The following DERA variants were observed in gnomAD, a reference collection of about 807,000 sequenced individuals.
The protein encoded by DERA is 2-deoxy-D-ribose 5-phosphate aldolase.
A neutral mutation model predicts 41.1 loss-of-function variants in DERA; 15 were observed. That is an observed-to-expected ratio of 0.37 (90% CI 0.24 to 0.56). The LOEUF (loss-of-function observed/expected upper bound fraction) is 0.56, where lower values mean the gene tolerates loss of function less well. DERA is among the 20% of genes least tolerant of loss of function. The pLI, the probability that DERA is intolerant of heterozygous loss-of-function variation, is 0.81. For missense variants in DERA, 396 were observed against 403.4 expected (o/e 0.98, Z 0.16); for synonymous variants, 139 against 137.4 (o/e 1.01, Z -0.08).
chr12:15,929,247 G>T (rs1020568541), intron 1 of DERA, among the ~76,000 whole-genome samples: 9 of 152,198 alleles, frequency 5.9e-5, no homozygotes, highest in Non-Finnish European at 8.8e-5. Context: ...TTGATGACTT[G>T]TCAGAGCATT....
chr12:16,032,636 C>G lies in DERA; in HGVS notation c.732C>G (p.Phe244Leu). The change falls in exon 7 of 9, where the codon TTC becomes TTG. Residue 244 changes from phenylalanine to leucine, a missense_variant. Phe to Leu is a conservative substitution (Grantham distance 22). Coordinates refer to ENST00000428559, the MANE Select transcript of DERA (RefSeq NM_015954.4). ...IVMLRAIRDF[F>L]WKTGNKIGFK... ...TGCTGCGGGCCATTAGAGATTTCTT[C>G]TGGAAAACTGGAAACAAGGTATATT... 6.4e-7 allele frequency: 1 copy of G among 1,554,332 alleles called. No individual in the cohort carries two copies. The highest frequency in any genetic ancestry group is 8.7e-7 in the Non-Finnish European group (1 of 1,145,796).
chr12:15,926,809 C>G (rs988554675), intron 1 of DERA, among the ~76,000 whole-genome samples: 1 of 150,740 alleles, frequency 6.6e-6, no homozygotes, highest in Non-Finnish European at 1.5e-5. Context: ...ACTAACAGGA[C>G]GATGGTTCTG....
At chr12:16,031,213 T>G (rs531658440) in intron 6 of DERA, among the ~76,000 whole-genome samples, 46 of 152,350 alleles carry the variant, frequency 3.0e-4, no homozygotes, top group African/African-American at 1.0e-3. Context: ...ATTTGGTGAT[T>G]ATGCGGGGTT....
chr12:15,947,268 C>T (rs1948457340), intron 1 of DERA, among the ~76,000 whole-genome samples: 2 of 152,120 alleles, frequency 1.3e-5, no homozygotes, highest in Admixed American at 1.3e-4. Flanking sequence ...TCCTTGTTAA[C>T]TTTCTGTCTC....
chr12:15,963,506 C>T (rs556425250), intron 5 of DERA, among the ~76,000 whole-genome samples: 1 of 152,072 alleles, frequency 6.6e-6, no homozygotes, highest in African/African-American at 2.4e-5. Context: ...AAGACATTGC[C>T]CTTTCCAGCA....
Position 15,938,650 on chromosome 12 carries a change from A to G in DERA, c.32-18286A>G, listed in dbSNP as rs1310739454. On this transcript the variant is annotated intron_variant, in intron 1 of 8. Coordinates refer to ENST00000428559, the MANE Select transcript of DERA (RefSeq NM_015954.4). This position sits in a 1 kb window ranked among gnomAD's most constrained non-coding sequence, Gnocchi z 4.1. ...TTGAGATACTTGGTAAATTTAGCAC[A>G]TTCTATAAATGGAGGATATTTTCAA... Among the ~76,000 whole-genome samples, 2 of 152,232 alleles carry G rather than the reference A, an allele frequency of 1.3e-5. No individual in the cohort carries two copies. Among genetic ancestry groups the G allele is most frequent in the African/African-American group, 2.4e-5 (1 of 41,472 alleles).
intron 5 of DERA, among the ~76,000 whole-genome samples, chr12:15,975,364 C>T (rs1039505087): frequency 6.6e-6 from 1 of 152,104 alleles, no homozygotes; most frequent in African/African-American, 2.4e-5. Flanking sequence ...GCCAGTTTAT[C>T]GATCTGGGTG....
chr12:16,030,092 T>TC (rs560347613), intron 6 of DERA, among the ~76,000 whole-genome samples: 5,803 of 23,474 alleles, frequency 0.25, 142 homozygotes, highest in Non-Finnish European at 0.49. Context: ...CCGGCTAATT[T>TC]TTTTTTTTTT....
chr12:16,007,333 A>G (rs983398292), intron 6 of DERA, among the ~76,000 whole-genome samples: 3 of 152,002 alleles, frequency 2.0e-5, no homozygotes, highest in Non-Finnish European at 4.4e-5. Flanking sequence ...AAAAGCATGC[A>G]TCACCATGCC....
Position 15,935,843 on chromosome 12 carries a change from G to T in DERA, c.32-21093G>T, listed in dbSNP as rs549312563. ...AATTTGAGAATGGCTTAGCTGGGTG[G>T]TTCTGGCTTGGGGTCTCTCATGAGG... On this transcript the variant is annotated intron_variant, in intron 1 of 8. Coordinates refer to ENST00000428559, the MANE Select transcript of DERA (RefSeq NM_015954.4). The surrounding 1 kb of genome is among the most constrained non-coding windows in gnomAD (Gnocchi z 4.8). Among the ~76,000 whole-genome samples, 38 of 152,270 alleles carry T rather than the reference G, an allele frequency of 2.5e-4. No individual in the cohort carries two copies. Among genetic ancestry groups the T allele is most frequent in the African/African-American group, 8.9e-4 (37 of 41,556 alleles).
intron 6 of DERA, among the ~76,000 whole-genome samples, chr12:16,029,940 T>TTTTTTGTTTG (rs56329881): frequency 7.8e-6 from 1 of 127,640 alleles, no homozygotes. Context: ...TTTTTTTTTT[T>TTTTTTGTTTG]GAGATGGAGT....
rs1041499077 is a variant in DERA at position 15,984,855 on chromosome 12, A to G, written c.637+2419A>G. On this transcript the variant is annotated intron_variant, in intron 6 of 8. Transcript: ENST00000428559. This position sits in a 1 kb window ranked among gnomAD's most constrained non-coding sequence, Gnocchi z 4.5. ...TGATGAACTTGAAATATTTTGAAAT[A>G]TTTTTTATATTCTTGTCCCAATTTT... Among the ~76,000 whole-genome samples the G allele has an allele frequency of 6.6e-6, 1 of 152,228 alleles. No individual in the cohort carries two copies. Among genetic ancestry groups the G allele is most frequent in the African/African-American group, 2.4e-5 (1 of 41,466 alleles).
chr12:15,948,301 C>T (rs1055454457), intron 1 of DERA, among the ~76,000 whole-genome samples: 3 of 152,158 alleles, frequency 2.0e-5, no homozygotes, highest in African/African-American at 7.2e-5. Flanking sequence ...AGAGTGTTTT[C>T]CAACTTGGTT....
chr12:15,980,913 G>A (rs553960285), intron 5 of DERA, among the ~76,000 whole-genome samples: 3 of 152,156 alleles, frequency 2.0e-5, no homozygotes, highest in Non-Finnish European at 4.4e-5. Flanking sequence ...GGTTTTAACT[G>A]AGACTAATTT....
rs796080991 is a variant in DERA at position 15,921,882 on chromosome 12, C to T, written c.31+10468C>T. Among the ~76,000 whole-genome samples the T allele has an allele frequency of 4.3e-4, 66 of 152,122 alleles. No homozygotes were observed. Among genetic ancestry groups the T allele is most frequent in the African/African-American group, 1.5e-3 (61 of 41,488 alleles). ...CAGAGGTTGCAGTGAGCCGAGATCA[C>T]GCCATTGCACTCCAGCCTGGGTGAC... is the stretch of plus-strand genomic sequence containing the variant. On this transcript the variant is annotated intron_variant, in intron 1 of 8. Transcript: ENST00000428559. This position sits in a 1 kb window ranked among gnomAD's most constrained non-coding sequence, Gnocchi z 5.3.
At position 15,943,111 on chromosome 12, in the gene DERA, T is replaced by C. The variant is rs557025182; in HGVS notation, c.32-13825T>C. Among the ~76,000 whole-genome samples, 6 of 152,324 alleles carry C rather than the reference T, an allele frequency of 3.9e-5. No homozygotes were observed. In the South Asian group the frequency reaches 1.0e-3, roughly 26 times the overall value. On this transcript the variant is annotated intron_variant, in intron 1 of 8. Coordinates refer to ENST00000428559, the MANE Select transcript of DERA (RefSeq NM_015954.4). This position sits in a 1 kb window ranked among gnomAD's most constrained non-coding sequence, Gnocchi z 4.5. Reference sequence around the variant, plus strand: ...CTAATCTGTAAACTCTTCCACACACTTACCTGAGGCTGTTTATGGGTAGTG... The same window carrying C: ...CTAATCTGTAAACTCTTCCACACACCTACCTGAGGCTGTTTATGGGTAGTG...
In DERA at chr12:16,026,054, A is replaced by T. The variant is rs1047776464; in HGVS notation, c.638-6488A>T. Among the ~76,000 whole-genome samples the T allele has an allele frequency of 2.6e-5, 4 of 152,156 alleles. No homozygotes were observed. Among genetic ancestry groups the T allele is most frequent in the African/African-American group, 4.8e-5 (2 of 41,444 alleles). On this transcript the variant is annotated intron_variant, in intron 6 of 8. Transcript: ENST00000428559. The surrounding 1 kb of genome is among the most constrained non-coding windows in gnomAD (Gnocchi z 4.4). ...GTAGGATGTTCCAAAAGCAGTGCTT[A>T]GAAAGAAATGTATGGCATTAGATGC...
intron 6 of DERA, among the ~76,000 whole-genome samples, chr12:16,006,241 G>A (rs1227767021): frequency 3.3e-5 from 5 of 152,054 alleles, no homozygotes; most frequent in Non-Finnish European, 5.9e-5. Context: ...AAGAAGTCAG[G>A]ACATTTGTCC....
rs1948620347 is a variant in DERA, at chr12:15,966,048, C to T, written c.508+3101C>T. Among the ~76,000 whole-genome samples the T allele has an allele frequency of 6.6e-6, 1 of 152,166 alleles. No homozygotes were observed. The highest frequency in any genetic ancestry group is 1.5e-5 in the Non-Finnish European group (1 of 68,026). ...GCTGGCTTTCCTTTTCCTTCATCCC[C>T]AGCAACGTCCTCCTTTCTTCTCTTC... On this transcript the variant is annotated intron_variant, in intron 5 of 8. Transcript: ENST00000428559. The surrounding 1 kb of genome is among the most constrained non-coding windows in gnomAD (Gnocchi z 5.1).
Sources: gnomAD v4.1 joint callset for allele counts (sites outside exome capture counted in the v4.1 genomes callset) on GRCh38, gnomAD v4.1.1 for gene constraint, Gnocchi (gnomAD v3.1) non-coding constraint, MANE v1.5 for transcripts, NCBI Gene and HGNC (gene_info 2026-07-23, HGNC 2026-07-21) for gene names.